The following EDIL3 variants were observed in gnomAD, a reference collection of about 807,000 sequenced individuals.
EDIL3 encodes the protein EGF like and discoidin domains 3.
Under a neutral mutation model 67.4 loss-of-function variants are expected in EDIL3, and 37 were observed. The observed-to-expected ratio is 0.55, with a 90% CI of 0.42 to 0.72. The LOEUF (loss-of-function observed/expected upper bound fraction) is 0.72, where lower values mean the gene tolerates loss of function less well. Ranked by LOEUF, EDIL3 falls within the 30% of genes least tolerant of loss-of-function variation. The pLI is 0.00. For synonymous variants in EDIL3, 195 were observed against 196.3 expected (o/e 0.99, Z 0.05); for missense variants, 527 against 586.3 (o/e 0.90, Z 1.04).
At chr5:84,046,419 A>G (rs2112219390) in intron 9 of EDIL3, among the ~76,000 whole-genome samples, 1 of 152,276 alleles carries the variant, frequency 6.6e-6, no homozygotes, top group Non-Finnish European at 1.5e-5. Context: ...AATAGTCTAG[A>G]AAATACTGTG....
chr5:84,020,019 C>G lies in EDIL3; in HGVS notation c.1137+40281G>C, dbSNP rs150399251. Among the ~76,000 whole-genome samples the G allele has an allele frequency of 4.9e-3, 711 of 144,244 alleles. 8 individuals are homozygous for G. The highest frequency in any genetic ancestry group is 0.017 in the African/African-American group (684 of 39,266). The allele number at this position is 144,244 out of a possible 152,430, so 94.6% of individuals were successfully genotyped here. ...TAGCGGAACGTTGCAATTAATGGTC[C>G]TTTCCTAAAGATTAATAATGAATAT... On this transcript the variant is annotated intron_variant, in intron 9 of 10. Coordinates refer to ENST00000296591, the MANE Select transcript of EDIL3 (RefSeq NM_005711.5).
chr5:83,992,441 A>G (rs1745167657), intron 9 of EDIL3, among the ~76,000 whole-genome samples: 1 of 152,218 alleles, frequency 6.6e-6, no homozygotes, highest in African/African-American at 2.4e-5. Context: ...GCTATATAAT[A>G]CATGGCCTAC....
Position 84,029,211 on chromosome 5 carries a change from C to A in EDIL3, c.1137+31089G>T, listed in dbSNP as rs568055616. 3.8e-3 allele frequency among the ~76,000 whole-genome samples: 582 copies of A among 152,172 alleles called. 4 individuals carry two copies. The highest frequency in any genetic ancestry group is 0.013 in the African/African-American group (559 of 41,512). On this transcript the variant is annotated intron_variant, in intron 9 of 10. Coordinates refer to ENST00000296591, the MANE Select transcript of EDIL3 (RefSeq NM_005711.5). The stretch of plus-strand genomic sequence containing the variant: ...GGTGGAGTTTGCAGTGAGCCAATTG[C>A]GCCACTGCACTCCAGCCTGGGGGAC...
chr5:84,049,703 A>G (rs1437966339), intron 9 of EDIL3, among the ~76,000 whole-genome samples: 2 of 152,188 alleles, frequency 1.3e-5, no homozygotes, highest in African/African-American at 2.4e-5. Flanking sequence ...CAGATAACAC[A>G]TTGGTAAGCT....
At chr5:84,300,209 C>CT (rs1746128386) in intron 1 of EDIL3, among the ~76,000 whole-genome samples, 1 of 152,156 alleles carries the variant, frequency 6.6e-6, no homozygotes, top group Non-Finnish European at 1.5e-5. Flanking sequence ...CATTTCTTAG[C>CT]TTTTGGCCCT....
chr5:84,351,729 T>C (rs778451898), intron 1 of EDIL3, among the ~76,000 whole-genome samples: 1 of 152,050 alleles, frequency 6.6e-6, no homozygotes, highest in Non-Finnish European at 1.5e-5. Context: ...CCTTTCCAAT[T>C]AAAACATTAA....
chr5:84,297,119 T>C (rs543344468), intron 1 of EDIL3, among the ~76,000 whole-genome samples: 1 of 146,926 alleles, frequency 6.8e-6, no homozygotes, highest in East Asian at 2.0e-4. Flanking sequence ...GAGGCAAAGC[T>C]TGCAGTGAGC....
chr5:84,309,139 A>G (rs1240958685), intron 1 of EDIL3, among the ~76,000 whole-genome samples: 1 of 152,164 alleles, frequency 6.6e-6, no homozygotes, highest in Non-Finnish European at 1.5e-5. Context: ...TGGCATAATT[A>G]TGTTGAAGAT....
At chr5:83,988,493 T>C (rs955133153) in intron 9 of EDIL3, among the ~76,000 whole-genome samples, 1 of 152,158 alleles carries the variant, frequency 6.6e-6, no homozygotes, top group Non-Finnish European at 1.5e-5. Context: ...AGCTCATCTG[T>C]TCTAGCCAGG....
intron 9 of EDIL3, among the ~76,000 whole-genome samples, chr5:84,013,760 T>C (rs1481362918): frequency 6.6e-6 from 1 of 152,148 alleles, no homozygotes; most frequent in African/African-American, 2.4e-5. Flanking sequence ...GATATACAAA[T>C]ATACCTCTCA....
chr5:84,243,806 T>C (rs1190340502), intron 2 of EDIL3, among the ~76,000 whole-genome samples: 2 of 152,178 alleles, frequency 1.3e-5, no homozygotes, highest in African/African-American at 2.4e-5. Flanking sequence ...TTGTCTATTT[T>C]AAATCATAGC....
At chr5:84,245,896 A>G (rs1321033308) in intron 2 of EDIL3, among the ~76,000 whole-genome samples, 1 of 140,884 alleles carries the variant, frequency 7.1e-6, no homozygotes. Context: ...TATTTTTTCA[A>G]TAATTTTTTC....
At chr5:83,994,692 C>A (rs774926271) in intron 9 of EDIL3, among the ~76,000 whole-genome samples, 2 of 152,152 alleles carry the variant, frequency 1.3e-5, no homozygotes, top group African/African-American at 2.4e-5. Context: ...CAAATTACTT[C>A]TTGCCTGGAG....
intron 1 of EDIL3, among the ~76,000 whole-genome samples, chr5:84,262,052 C>A (rs924347777): frequency 6.6e-6 from 1 of 152,138 alleles, no homozygotes; most frequent in African/African-American, 2.4e-5. Context: ...AAAACAAAAT[C>A]TTTTTGCATA....
chr5:84,353,646 T>G (rs1398092610), intron 1 of EDIL3, among the ~76,000 whole-genome samples: 2 of 152,136 alleles, frequency 1.3e-5, no homozygotes, highest in Admixed American at 6.5e-5. Context: ...AGGAAGAAAT[T>G]TGGGTTATTT....
intron 1 of EDIL3, among the ~76,000 whole-genome samples, chr5:84,362,801 A>G (rs924822289): frequency 6.6e-6 from 1 of 152,176 alleles, no homozygotes; most frequent in South Asian, 2.1e-4. Flanking sequence ...CAGTAGCAAC[A>G]TTTTAAATAT....
chr5:84,164,936 G>A (rs375231247), intron 4 of EDIL3, among the ~76,000 whole-genome samples: 5 of 152,100 alleles, frequency 3.3e-5, no homozygotes, highest in Admixed American at 2.0e-4. Context: ...TTATCGATGA[G>A]CGATAAGGGC....
chr5:83,944,549 T>C (rs1727292428), intron 10 of EDIL3, among the ~76,000 whole-genome samples: 1 of 151,826 alleles, frequency 6.6e-6, no homozygotes, highest in Non-Finnish European at 1.5e-5. Context: ...AAATTATAAA[T>C]TATGTTGGGG....
In EDIL3 at chr5:84,305,914, A is replaced by ATAGATAG. The variant is rs1554041200; in HGVS notation, c.68-51703_68-51702insCTATCTA. Among the ~76,000 whole-genome samples, 260 of 147,406 alleles carry ATAGATAG rather than the reference A, an allele frequency of 1.8e-3. 1 individual carries two copies. The highest frequency in any genetic ancestry group is 5.7e-3 in the Admixed American group (86 of 15,040). On this transcript the variant is annotated intron_variant, in intron 1 of 10. Transcript: ENST00000296591. The stretch of plus-strand genomic sequence containing the variant: ...AAATAAATAAATAAATAAATAAATA[A>ATAGATAG]ATAAATAGATAGATAAATAAATAAA...
Sources: allele counts gnomAD v4.1 joint callset (sites outside exome capture counted in the v4.1 genomes callset), GRCh38; gene constraint gnomAD v4.1.1; transcripts MANE v1.5; gene names NCBI Gene and HGNC (gene_info 2026-07-23, HGNC 2026-07-21).